The following LZTS1 variants were observed in gnomAD, a reference collection of about 807,000 sequenced individuals.
LZTS1 encodes leucine zipper putative tumor suppressor 1.
Under a neutral mutation model 45.8 loss-of-function variants are expected in LZTS1, and 31 were observed. The ratio of observed to expected loss-of-function variants is 0.68; its 90% CI spans 0.51 to 0.91. The LOEUF (loss-of-function observed/expected upper bound fraction) is 0.91, where lower values mean the gene tolerates loss of function less well. Among genes scored for constraint, LZTS1 ranks in the 40% least tolerant of loss-of-function variants. The pLI is 0.00. For missense variants in LZTS1, 821 were observed against 788.9 expected, an observed-to-expected ratio of 1.04 and a Z score of -0.49; for synonymous variants, 359 against 357.3, an observed-to-expected ratio of 1.00 and a Z score of -0.05.
At chr8:20,260,351 TA>T (rs1800200910) in intron 1 of LZTS1, among the ~76,000 whole-genome samples, 2 of 151,754 alleles carry the variant, frequency 1.3e-5, no homozygotes, top group Non-Finnish European at 2.9e-5. Context: ...AATCTGAGAG[TA>T]AAGGTTTTTG....
Position 20,249,468 on chromosome 8 carries a change from A to G in LZTS1, c.*254T>C. ...TTTAGGGAGCCCTTAACCAAAGCAG[A>G]CAGACCCCTGGACCCATCTCCTGGG... On this transcript the variant is annotated 3_prime_UTR_variant, in exon 4 of 4. Transcript: ENST00000381569. 1 of 491,460 alleles carries G rather than the reference A, an allele frequency of 2.0e-6. No homozygotes were observed. The highest frequency in any genetic ancestry group is 3.6e-6 in the Non-Finnish European group (1 of 277,188). 30.4% of individuals were successfully genotyped at this position (491,460 alleles called of 1,614,324 possible). A position where few individuals can be genotyped will look rare whatever the true frequency, so the allele number is the denominator to read the frequency against.
At position 20,247,682 on chromosome 8, in the gene LZTS1, A is replaced by G. The variant is rs1181028702; in HGVS notation, c.*2040T>C. On this transcript the variant is annotated 3_prime_UTR_variant, in exon 4 of 4. Coordinates refer to ENST00000381569, the MANE Select transcript of LZTS1 (RefSeq NM_021020.5). ...TTTAACCTCAGGGACAGGAAGGTAG[A>G]GCCAGCCACAGAAAAGGTGACTCTG... is the stretch of plus-strand genomic sequence containing the variant. The G allele has an allele frequency of 6.6e-6, 1 of 152,368 alleles. No individual in the cohort carries two copies. The highest frequency in any genetic ancestry group is 1.5e-5 in the Non-Finnish European group (1 of 68,154). The allele number at this position is 152,368 out of a possible 1,614,324, so 9.4% of individuals were successfully genotyped here.
At chr8:20,284,125 G>T (rs999447296) in intron 1 of LZTS1, among the ~76,000 whole-genome samples, 3 of 152,076 alleles carry the variant, frequency 2.0e-5, no homozygotes, top group African/African-American at 4.8e-5. Flanking sequence ...TTCTCTCTGG[G>T]GCTTCCTTTC....
intron 1 of LZTS1, among the ~76,000 whole-genome samples, chr8:20,281,941 T>C (rs1032146511): frequency 2.0e-5 from 3 of 152,192 alleles, no homozygotes; most frequent in East Asian, 3.9e-4. Flanking sequence ...GCTATCATTA[T>C]AGTTGATTCT....
Position 20,249,780 on chromosome 8 carries a change from T to A in LZTS1, c.1733A>T (p.Glu578Val). 1.2e-6 allele frequency: 2 copies of A among 1,613,508 alleles called. No homozygotes were observed. Among genetic ancestry groups the A allele is most frequent in the Non-Finnish European group, 8.5e-7 (1 of 1,179,970 alleles). ...ARGDSAGEPL[E>V]VDLEGADIPY... is the part of the protein sequence containing the mutation. Reference sequence around the variant, plus strand: ...GATGTCAGCCCCTTCCAGGTCAACCTCCAAGGGCTCCCCGGCGCTGTCCCC... The same window carrying A: ...GATGTCAGCCCCTTCCAGGTCAACCACCAAGGGCTCCCCGGCGCTGTCCCC... The change falls in exon 4 of 4, where the codon GAG (glutamate) becomes GTG (valine). Residue 578 changes from glutamate (E) to valine (V), a missense_variant. Transcript: ENST00000381569.
At position 20,249,617 on chromosome 8, in the gene LZTS1, G is replaced by A; in HGVS notation, c.*105C>T. On this transcript the variant is annotated 3_prime_UTR_variant, in exon 4 of 4. Coordinates refer to ENST00000381569, the MANE Select transcript of LZTS1 (RefSeq NM_021020.5). Reference sequence around the variant, plus strand: ...GGGGGTCCTGGGTCTGTGTCCCAGGGAGTGGCGTCTCTCAGAGGGGTCTGA... The same window carrying A: ...GGGGGTCCTGGGTCTGTGTCCCAGGAAGTGGCGTCTCTCAGAGGGGTCTGA... 3 of 1,391,426 alleles carry A rather than the reference G, an allele frequency of 2.2e-6. No homozygotes were observed. The highest frequency in any genetic ancestry group is 2.3e-5 in the East Asian group (1 of 42,624). The allele number at this position is 1,391,426 out of a possible 1,614,324, so 86.2% of individuals were successfully genotyped here. A position where few individuals can be genotyped will look rare whatever the true frequency, so the allele number is the denominator to read the frequency against.
In LZTS1 at chr8:20,252,978, T is replaced by C. The variant is rs1235350066; in HGVS notation, c.953A>G (p.Lys318Arg). Residue 318 changes from lysine to arginine, a missense_variant, in exon 3 of 4, where the codon AAG becomes AGG. Transcript: ENST00000381569. ...GPEPKGGNKL[K>R]QASQKSQRAQ... ...GCGCTGGCTCTTCTGCGAGGCCTGC[T>C]TGAGCTTGTTGCCGCCTTTGGGCTC... 2 of 1,587,448 alleles carry C rather than the reference T, an allele frequency of 1.3e-6. No individual in the cohort carries two copies. Among genetic ancestry groups the C allele is most frequent in the Admixed American group, 1.7e-5 (1 of 57,708 alleles).
intron 1 of LZTS1, among the ~76,000 whole-genome samples, chr8:20,283,259 G>A (rs531936620): frequency 6.6e-6 from 1 of 152,318 alleles, no homozygotes; most frequent in South Asian, 2.1e-4. Context: ...GACGGTATTA[G>A]GAGGTAGGGC....
At chr8:20,294,942 G>A (rs1563901218) in intron 1 of LZTS1, among the ~76,000 whole-genome samples, 3 of 151,828 alleles carry the variant, frequency 2.0e-5, no homozygotes, top group Non-Finnish European at 4.4e-5. Flanking sequence ...TAGCTAGGGA[G>A]GCTTCTGTTC....
chr8:20,251,098 AATATATATATATATATATATATATAT>A (rs527759585), intron 3 of LZTS1, among the ~76,000 whole-genome samples: 6,638 of 41,402 alleles, frequency 0.16, 772 homozygotes, highest in Middle Eastern at 0.3. Flanking sequence ...CCTGAGGGCT[AATATATATATATATATATATATATAT>A]ATATATATAT....
At chr8:20,275,466 C>T (rs947223225) in intron 1 of LZTS1, among the ~76,000 whole-genome samples, 2 of 151,622 alleles carry the variant, frequency 1.3e-5, no homozygotes, top group East Asian at 1.9e-4. Flanking sequence ...TTCCCCCACC[C>T]GGGAGAAGCT....
At chr8:20,275,955 G>A (rs1397839026) in intron 1 of LZTS1, 1 of 152,234 alleles carries the variant, frequency 6.6e-6, no homozygotes, top group Non-Finnish European at 1.5e-5. Flanking sequence ...AGAAGAAATG[G>A]TGTAGCCTGC....
At position 20,253,470 on chromosome 8, in the gene LZTS1, G is replaced by A; in HGVS notation, c.461C>T (p.Pro154Leu). ...SASHQLHPAP[P>L]DKPKEQELKP... is the part of the protein sequence containing the mutation. Reference sequence around the variant, plus strand: ...CAGCTCCTGCTCCTTGGGCTTGTCTGGAGGGGCGGGGTGCAGCTGGTGGCT... The same window carrying A: ...CAGCTCCTGCTCCTTGGGCTTGTCTAGAGGGGCGGGGTGCAGCTGGTGGCT... The change falls in exon 3 of 4, where the codon CCA (proline) becomes CTA (leucine). Residue 154 changes from proline (P) to leucine (L), a missense_variant. By Grantham distance (98) the Pro-to-Leu change is moderately conservative. Transcript: ENST00000381569. The A allele has an allele frequency of 6.2e-7, 1 of 1,605,872 alleles. No homozygotes were observed. The highest frequency in any genetic ancestry group is 8.5e-7 in the Non-Finnish European group (1 of 1,176,786).
At position 20,249,911 on chromosome 8, in the gene LZTS1, C is replaced by T; in HGVS notation, c.1602G>A (p.Glu534=). ...GFQHERLVWK[E]EKEKVIQYQK... is the part of the protein sequence containing the mutation. ...GGTACTGAATCACCTTCTCCTTCTC[C>T]TCCTTCCACACGAGCCGCTCATGCT... Residue 534 remains glutamate, a synonymous_variant, in exon 4 of 4, where the codon GAG becomes GAA. Transcript: ENST00000381569. 2 of 1,614,194 alleles carry T rather than the reference C, an allele frequency of 1.2e-6. No individual in the cohort carries two copies. Among genetic ancestry groups the T allele is most frequent in the African/African-American group, 1.3e-5 (1 of 75,068 alleles).
intron 1 of LZTS1, among the ~76,000 whole-genome samples, chr8:20,286,389 T>G (rs1563892873): frequency 6.6e-6 from 1 of 152,100 alleles, no homozygotes; most frequent in Non-Finnish European, 1.5e-5. Flanking sequence ...GACAAAAATA[T>G]ATAAAAAGGT....
intron 2 of LZTS1, among the ~76,000 whole-genome samples, chr8:20,254,222 G>C (rs1372482930): frequency 6.6e-6 from 1 of 152,206 alleles, no homozygotes. Flanking sequence ...ATTGATTTCA[G>C]TGTCCACTCG....
At chr8:20,260,073 A>C (rs1800193891) in intron 1 of LZTS1, among the ~76,000 whole-genome samples, 1 of 151,826 alleles carries the variant, frequency 6.6e-6, no homozygotes, top group African/African-American at 2.4e-5. Flanking sequence ...CTAATTAAAT[A>C]ATTCTTTTGT....
At position 20,254,686 on chromosome 8, in the gene LZTS1, C is replaced by T. The variant is rs1800044579; in HGVS notation, c.345+151G>A. 4 of 641,934 alleles carry T rather than the reference C, an allele frequency of 6.2e-6. No homozygotes were observed. In the East Asian group the frequency reaches 8.2e-5, roughly 13 times the overall value. The allele number at this position is 641,934 out of a possible 1,614,324, so 39.8% of individuals were successfully genotyped here. Reference sequence around the variant, plus strand: ...AAACGTTTGATCTCTGCGGTGTGGCCACAGGCTTCCGCCGGCACCCCTGCC... The same window carrying T: ...AAACGTTTGATCTCTGCGGTGTGGCTACAGGCTTCCGCCGGCACCCCTGCC... On this transcript the variant is annotated intron_variant, in intron 2 of 3. Coordinates refer to ENST00000381569, the MANE Select transcript of LZTS1 (RefSeq NM_021020.5).
At chr8:20,266,394 A>G (rs1800355195) in intron 1 of LZTS1, among the ~76,000 whole-genome samples, 1 of 152,188 alleles carries the variant, frequency 6.6e-6, no homozygotes, top group African/African-American at 2.4e-5. Context: ...AGTTCACAGA[A>G]GGGAAGCTGA....
Sources: allele counts gnomAD v4.1 joint callset (sites outside exome capture counted in the v4.1 genomes callset), GRCh38; gene constraint gnomAD v4.1.1; transcripts MANE v1.5; gene names NCBI Gene and HGNC (gene_info 2026-07-23, HGNC 2026-07-21).